GADL1: variants seen among roughly 807,000 people sequenced by gnomAD.
The protein encoded by GADL1 is acidic amino acid decarboxylase GADL1.
In GADL1, 71 loss-of-function variants were observed where a neutral mutation model predicts 69.5. The observed-to-expected ratio is 1.02, with a 90% CI of 0.84 to 1.25. The LOEUF (loss-of-function observed/expected upper bound fraction) is 1.25, where lower values mean the gene tolerates loss of function less well. Among genes scored for constraint, GADL1 ranks in the 50% most tolerant of loss-of-function variants. The pLI is 0.00. For missense variants in GADL1, 737 were observed against 631.8 expected (o/e 1.17, Z -1.79); for synonymous variants, 254 against 214.4 (o/e 1.18, Z -1.62).
At chr3:30,872,200 A>G (rs1337447690) in intron 1 of GADL1, among the ~76,000 whole-genome samples, 1 of 151,948 alleles carries the variant, frequency 6.6e-6, no homozygotes, top group East Asian at 1.9e-4. Flanking sequence ...TAACATAGCC[A>G]TTTAGTAAAT....
chr3:30,751,336 T>C (rs971717065), intron 14 of GADL1, among the ~76,000 whole-genome samples: 2 of 152,090 alleles, frequency 1.3e-5, no homozygotes, highest in Non-Finnish European at 2.9e-5. Context: ...AGGAGACTCT[T>C]GAGCCGCTTG....
chr3:30,728,231 C>A lies in GADL1; in HGVS notation c.*11G>T, dbSNP rs759769482. On this transcript the variant is annotated 3_prime_UTR_variant, in exon 15 of 15. Transcript: ENST00000282538. ...GATAGGATCTATGCCTCTGGGGGAC[C>A]AAAGCCACAGCTACATGTCTTTACC... The A allele has an allele frequency of 1.2e-5, 19 of 1,611,710 alleles. No individual in the cohort carries two copies. The highest frequency in any genetic ancestry group is 1.2e-4 in the Admixed American group (7 of 59,964).
chr3:30,821,344 AAAG>A (rs1361984208), intron 11 of GADL1, among the ~76,000 whole-genome samples: 3 of 152,074 alleles, frequency 2.0e-5, no homozygotes, highest in South Asian at 2.1e-4. Context: ...ATAAAGAAAA[AAAG>A]AAAAGCCATT....
At position 30,834,783 on chromosome 3, in the gene GADL1, C is replaced by T. The variant is rs370264127; in HGVS notation, c.904-502G>A. 1.1e-4 allele frequency among the ~76,000 whole-genome samples: 16 copies of T among 152,010 alleles called. No individual in the cohort carries two copies. The East Asian group carries it at 1.7e-3, about 17-fold the overall frequency. ...TAGATCATTTTAGCTAAATGGCTTT[C>T]AGAAATATCTACAAATGAGAGAGAG... is the stretch of plus-strand genomic sequence containing the variant. On this transcript the variant is annotated intron_variant, in intron 9 of 14. Coordinates refer to ENST00000282538, the MANE Select transcript of GADL1 (RefSeq NM_207359.3).
intron 1 of GADL1, among the ~76,000 whole-genome samples, chr3:30,893,926 C>T (rs372802052): frequency 5.3e-5 from 8 of 152,266 alleles, no homozygotes; most frequent in African/African-American, 1.9e-4. Context: ...ACTCCTAAAA[C>T]GCCAACAACT....
Position 30,727,025 on chromosome 3 carries a change from G to C in GADL1, c.*1217C>G, listed in dbSNP as rs1695376922. 2.0e-5 allele frequency: 3 copies of C among 152,064 alleles called. No individual in the cohort carries two copies. The highest frequency in any genetic ancestry group is 2.1e-4 in the South Asian group (1 of 4,808). The allele number at this position is 152,064 out of a possible 1,614,324, so 9.4% of individuals were successfully genotyped here. On this transcript the variant is annotated 3_prime_UTR_variant, in exon 15 of 15. Transcript: ENST00000282538. ...TTGTGTTTATTCCCTATGAGGCACA[G>C]AGCAAGATAATAAACAAGCCCCTCA...
intron 4 of GADL1, 145 bp downstream of exon 4, chr3:30,854,554 C>T (rs150908438): frequency 3.9e-4 from 210 of 544,864 alleles, no homozygotes; most frequent in African/African-American, 3.6e-3. Flanking sequence ...TATTTGAATA[C>T]TGATAAGTAT....
rs150516976 is a variant in GADL1 at position 30,833,300 on chromosome 3, C to G, written c.1050+553G>C. ...TCCACTTGCCTCACAGTGATCCAGA[C>G]AGTTTCCAACTCTCCCTAGCATTCC... On this transcript the variant is annotated intron_variant, in intron 11 of 14. Coordinates refer to ENST00000282538, the MANE Select transcript of GADL1 (RefSeq NM_207359.3). Among the ~76,000 whole-genome samples, 591 of 152,174 alleles carry G rather than the reference C, an allele frequency of 3.9e-3. 6 individuals are homozygous for G. The highest frequency in any genetic ancestry group is 0.014 in the African/African-American group (565 of 41,562).
intron 4 of GADL1, among the ~76,000 whole-genome samples, chr3:30,851,394 T>C (rs1000780307): frequency 2.0e-5 from 3 of 152,182 alleles, no homozygotes; most frequent in Non-Finnish European, 4.4e-5. Flanking sequence ...AAGTGGAGAC[T>C]ACTCCACCTG....
At chr3:30,788,166 G>A (rs1575205706) in intron 12 of GADL1, among the ~76,000 whole-genome samples, 1 of 152,200 alleles carries the variant, frequency 6.6e-6, no homozygotes, top group East Asian at 1.9e-4. Context: ...TTCATAAAAA[G>A]CAATTCCATT....
chr3:30,758,193 T>TTG (rs547414362), intron 14 of GADL1, among the ~76,000 whole-genome samples: 2 of 152,174 alleles, frequency 1.3e-5, no homozygotes, highest in African/African-American at 2.4e-5. Flanking sequence ...TTCTTTGCCT[T>TTG]TGTAGTACAT....
At chr3:30,832,859 A>G (rs1202954218) in intron 11 of GADL1, among the ~76,000 whole-genome samples, 4 of 152,090 alleles carry the variant, frequency 2.6e-5, no homozygotes, top group Non-Finnish European at 5.9e-5. Context: ...GAACTGATTC[A>G]TATTTCTGGT....
chr3:30,799,126 T>C (rs1015054473), intron 12 of GADL1: 3 of 152,278 alleles, frequency 2.0e-5, no homozygotes, highest in Admixed American at 6.5e-5. Context: ...ATAGCTCCAC[T>C]AGGCAGTGCC....
chr3:30,887,974 C>G (rs971686991), intron 1 of GADL1, among the ~76,000 whole-genome samples: 2 of 152,128 alleles, frequency 1.3e-5, no homozygotes, highest in Admixed American at 1.3e-4. Flanking sequence ...AAGTCCCTTA[C>G]GTGAAAGGGT....
intron 4 of GADL1, among the ~76,000 whole-genome samples, chr3:30,853,255 A>G (rs956767700): frequency 2.6e-5 from 4 of 152,106 alleles, no homozygotes; most frequent in Admixed American, 2.6e-4. Context: ...TCACTTGTTG[A>G]ACTTTCTAAA....
At chr3:30,857,383 A>T (rs1575237006) in intron 2 of GADL1, among the ~76,000 whole-genome samples, 1 of 152,184 alleles carries the variant, frequency 6.6e-6, no homozygotes, top group Admixed American at 6.6e-5. Context: ...CTAAGTTGTT[A>T]CATAGAATAA....
At chr3:30,829,185 G>A (rs536313723) in intron 11 of GADL1, among the ~76,000 whole-genome samples, 2 of 151,776 alleles carry the variant, frequency 1.3e-5, no homozygotes, top group East Asian at 3.9e-4. Context: ...TATAATCACA[G>A]GTTTTTTTTA....
intron 11 of GADL1, among the ~76,000 whole-genome samples, chr3:30,817,973 T>G (rs941927352): frequency 6.6e-6 from 1 of 152,220 alleles, no homozygotes; most frequent in Admixed American, 6.5e-5. Flanking sequence ...AATTCTTGTT[T>G]TTTTAGTTTC....
intron 14 of GADL1, among the ~76,000 whole-genome samples, chr3:30,731,551 T>C (rs141850442): frequency 1.5e-4 from 23 of 152,312 alleles, no homozygotes; most frequent in African/African-American, 5.5e-4. Context: ...CCTCAGATGT[T>C]TTAATATAAA....
Sources: allele counts gnomAD v4.1 joint callset (sites outside exome capture counted in the v4.1 genomes callset), GRCh38; gene constraint gnomAD v4.1.1; transcripts MANE v1.5; gene names NCBI Gene and HGNC (gene_info 2026-07-23, HGNC 2026-07-21).